Variants in IFT22 observed in about 807,000 individuals in gnomAD.
The protein encoded by IFT22 is intraflagellar transport protein 22 homolog.
In IFT22, 13 loss-of-function variants were observed where a neutral mutation model predicts 21.0. That is an observed-to-expected ratio of 0.62 (90% confidence interval 0.40 to 0.98). The LOEUF (loss-of-function observed/expected upper bound fraction) is 0.98. Ranked by LOEUF, IFT22 falls within the 50% of genes least tolerant of loss-of-function variation. The probability of loss-of-function intolerance (pLI) is 0.00; values close to 1 mark genes in which losing one functional copy is unlikely to be tolerated. For missense variants in IFT22, 227 were observed against 228.9 expected (o/e 0.99, Z 0.06); for synonymous variants, 67 against 82.4 (o/e 0.81, Z 1.01).
rs529538199 is a variant in IFT22, at chr7:101,312,187, C to T, written c.*2947G>A. Among the ~76,000 whole-genome samples the T allele has an allele frequency of 6.6e-6, 1 of 152,212 alleles. No homozygotes were observed. The highest frequency in any genetic ancestry group is 2.4e-5 in the African/African-American group (1 of 41,530). On this transcript the variant is annotated 3_prime_UTR_variant, in exon 5 of 5. Transcript: ENST00000315322. The stretch of plus-strand genomic sequence containing the variant: ...GGGAGGCTGAGACGGGCGGATCACT[C>T]AAGGACAGGAGTTCGAGATCAGCTG...
At chr7:101,321,374 A>C (rs1044876088) in intron 1 of IFT22, 1 of 441,886 alleles carries the variant, frequency 2.3e-6, no homozygotes, top group African/African-American at 2.1e-5. Flanking sequence ...TCCCGGGGGC[A>C]AAAGAAAGAG....
At chr7:101,318,921 T>TG in intron 2 of IFT22, 35 bp downstream of exon 2, 3 of 1,547,096 alleles carry the variant, frequency 1.9e-6, no homozygotes, top group Non-Finnish European at 1.8e-6. Flanking sequence ...CCGAGCCAGT[T>TG]GGACACTCTG....
At chr7:101,318,854 G>T in intron 2 of IFT22, 102 bp downstream of exon 2, 1 of 899,426 alleles carries the variant, frequency 1.1e-6, no homozygotes, top group Non-Finnish European at 1.8e-6. Context: ...CAGGCCTCAG[G>T]CGATCCTCCC....
chr7:101,319,442 C>T (rs183035382), intron 1 of IFT22, among the ~76,000 whole-genome samples: 12 of 151,748 alleles, frequency 7.9e-5, no homozygotes, highest in African/African-American at 4.8e-5. Flanking sequence ...GGGCTGGTCT[C>T]GAACTCCTGA....
chr7:101,320,554 C>T (rs1470269731), intron 1 of IFT22, among the ~76,000 whole-genome samples: 2 of 133,878 alleles, frequency 1.5e-5, no homozygotes, highest in Non-Finnish European at 3.1e-5. Context: ...CCACCGCGCC[C>T]GGCCTTTTTT....
rs1584318382 is a variant in IFT22 at position 101,321,694 on chromosome 7, T to G, written c.16A>C (p.Ile6Leu). The change falls in exon 1 of 5, where the codon ATC (isoleucine) becomes CTC (leucine). Residue 6 changes from isoleucine to leucine, a missense_variant. Physicochemically the swap from Ile to Leu is conservative, Grantham distance 5. Coordinates refer to ENST00000315322, the MANE Select transcript of IFT22 (RefSeq NM_022777.4). The stretch of plus-strand genomic sequence containing the variant: ...ACCTCGCAAGGCCCCACGAAGAGGA[T>G]CTTGGCTTTCAGCATAGTTGTCCGC... MLKAKILFVGPCESGK... is the reference protein window; with the variant it reads MLKAKLLFVGPCESGK... The G allele has an allele frequency of 2.5e-6, 4 of 1,603,256 alleles. No homozygotes were observed. The highest frequency in any genetic ancestry group is 2.6e-6 in the Non-Finnish European group (3 of 1,175,220).
intron 1 of IFT22, among the ~76,000 whole-genome samples, chr7:101,320,289 G>A (rs1292680566): frequency 7.0e-6 from 1 of 142,398 alleles, no homozygotes; most frequent in African/African-American, 2.6e-5. Context: ...ATTAGTTTTT[G>A]AGACGGAGTC....
Position 101,314,575 on chromosome 7 carries a change from CATTAAAA to C in IFT22, c.*552_*558del, listed in dbSNP as rs1280814420. 6.6e-5 allele frequency: 10 copies of C among 152,210 alleles called. No homozygotes were observed. The highest frequency in any genetic ancestry group is 5.9e-4 in the Admixed American group (9 of 15,282). 9.4% of individuals were successfully genotyped at this position (152,210 alleles called of 1,614,324 possible). ...GTGCAAAAGTAATAGTGGCTTTTGC[CATTAAAA>C]ATTAAAAATGGCAAAAACCACGATT... On this transcript the variant is annotated 3_prime_UTR_variant, in exon 5 of 5. Coordinates refer to ENST00000315322, the MANE Select transcript of IFT22 (RefSeq NM_022777.4).
rs373822049 is a variant in IFT22, at chr7:101,315,108, A to G, written c.*26T>C. On this transcript the variant is annotated 3_prime_UTR_variant, in exon 5 of 5. Transcript: ENST00000315322. ...GAGAAACATGCTGATTTCACTGGGGATGTGGCAGTCCCAGGTGAAGGCTGG... is the reference window on the plus strand; with the variant it reads ...GAGAAACATGCTGATTTCACTGGGGGTGTGGCAGTCCCAGGTGAAGGCTGG... The G allele has an allele frequency of 6.2e-7, 1 of 1,606,032 alleles. No individual in the cohort carries two copies. The highest frequency in any genetic ancestry group is 1.7e-5 in the Admixed American group (1 of 59,402).
In IFT22 at chr7:101,318,969, T is replaced by C; in HGVS notation, c.103A>G (p.Thr35Ala). Residue 35 changes from threonine to alanine, a missense_variant, in exon 2 of 5, where the codon ACC becomes GCC. Transcript: ENST00000315322. ...GTCAGGGCTCACCTCACTCCTTGGG[T>C]TGGGCTGTATTCAGTGATGTCAGAA... is the stretch of plus-strand genomic sequence containing the variant. ...ESSDITEYSP[T>A]QGVRILEFEN... 3.7e-6 allele frequency: 6 copies of C among 1,613,742 alleles called. No homozygotes were observed. The highest frequency in any genetic ancestry group is 5.1e-6 in the Non-Finnish European group (6 of 1,179,732).
intron 2 of IFT22, 35 bp downstream of exon 2, chr7:101,318,921 T>A (rs3757464): frequency 0.052 from 81,016 of 1,546,636 alleles, 2,364 homozygotes; most frequent in South Asian, 0.061. Context: ...CCGAGCCAGT[T>A]GGACACTCTG....
chr7:101,314,937 T>C lies in IFT22; in HGVS notation c.*197A>G, dbSNP rs1163148546. The C allele has an allele frequency of 1.8e-6, 1 of 563,174 alleles. No individual in the cohort carries two copies. Among genetic ancestry groups the C allele is most frequent in the East Asian group, 3.0e-5 (1 of 33,214 alleles). The allele number at this position is 563,174 out of a possible 1,614,324, so 34.9% of individuals were successfully genotyped here. ...AGGAAATCCAAATTTGATAATAGGA[T>C]TTTCTCAACTGAACTCAGGGCAGAG... On this transcript the variant is annotated 3_prime_UTR_variant, in exon 5 of 5. Coordinates refer to ENST00000315322, the MANE Select transcript of IFT22 (RefSeq NM_022777.4).
rs749317424 is a variant in IFT22 at position 101,318,227 on chromosome 7, G to C, written c.117-14C>G. ...AATTCTAGGATCCTAAAAGGAAAAAGAAGAGCAGTAGGCTGGGTGCAGTGG... is the reference window on the plus strand; with the variant it reads ...AATTCTAGGATCCTAAAAGGAAAAACAAGAGCAGTAGGCTGGGTGCAGTGG... On this transcript the variant is annotated splice_polypyrimidine_tract_variant and intron_variant, in intron 2 of 4. Coordinates refer to ENST00000315322, the MANE Select transcript of IFT22 (RefSeq NM_022777.4). 1 of 1,605,962 alleles carries C rather than the reference G, an allele frequency of 6.2e-7. No individual in the cohort carries two copies. The highest frequency in any genetic ancestry group is 1.1e-5 in the South Asian group (1 of 90,984).
chr7:101,321,348 G>T, intron 1 of IFT22: 1 of 364,726 alleles, frequency 2.7e-6, no homozygotes, highest in East Asian at 5.7e-5. Flanking sequence ...ACCCACAGAC[G>T]CATTCATTAG....
In IFT22 at chr7:101,311,661, A is replaced by C. The variant is rs558804602; in HGVS notation, c.*3473T>G. On this transcript the variant is annotated 3_prime_UTR_variant, in exon 5 of 5. Coordinates refer to ENST00000315322, the MANE Select transcript of IFT22 (RefSeq NM_022777.4). ...GCTACATCTACCATTTCATCTACTT[A>C]GTGTATTTTCTTATTGGCTATGTTA... is the stretch of plus-strand genomic sequence containing the variant. Among the ~76,000 whole-genome samples, 4 of 152,214 alleles carry C rather than the reference A, an allele frequency of 2.6e-5. No homozygotes were observed. The highest frequency in any genetic ancestry group is 4.4e-5 in the Non-Finnish European group (3 of 68,036).
Position 101,315,224 on chromosome 7 carries a change from C to T in IFT22, c.468G>A (p.Glu156=). Residue 156 remains glutamate, a synonymous_variant, in exon 5 of 5, where the codon GAG becomes GAA. Coordinates refer to ENST00000315322, the MANE Select transcript of IFT22 (RefSeq NM_022777.4). The part of the protein sequence containing the change: ...VHSNLEDDPE[E]IRMEFIKYLK... ...AATACTTTATGAATTCCATCCGGAT[C>T]TCCTCAGGGTCATCTTCCAGGTTTG... The T allele has an allele frequency of 1.2e-6, 2 of 1,614,134 alleles. No homozygotes were observed. The highest frequency in any genetic ancestry group is 2.2e-5 in the South Asian group (2 of 91,076).
At chr7:101,319,127 G>A (rs1790253648) in intron 1 of IFT22, 95 bp from the exon 2 acceptor site, 1 of 1,209,490 alleles carries the variant, frequency 8.3e-7, no homozygotes, top group Non-Finnish European at 1.2e-6. Context: ...CCGGTGTGGT[G>A]CAGTATAGGT....
rs199770585 is a variant in IFT22 at position 101,320,253 on chromosome 7, G to A, written c.40-1221C>T. 1.1e-4 allele frequency among the ~76,000 whole-genome samples: 17 copies of A among 149,578 alleles called. No individual in the cohort carries two copies. The East Asian group carries it at 3.4e-3, about 30-fold the overall frequency. On this transcript the variant is annotated intron_variant, in intron 1 of 4. Transcript: ENST00000315322. ...ATTAGAAGCGTGAGCCTCCGCATCC[G>A]GCTGGGTTTTTTTTTTTTAATTATT...
In IFT22 at chr7:101,311,461, G is replaced by T. The variant is rs1789978485; in HGVS notation, c.*3673C>A. The stretch of plus-strand genomic sequence containing the variant: ...CATGGTAATCCTAACAGGTGAATGT[G>T]GTTCAAACTAAATTGCCAGGGAATT... On this transcript the variant is annotated 3_prime_UTR_variant, in exon 5 of 5. Coordinates refer to ENST00000315322, the MANE Select transcript of IFT22 (RefSeq NM_022777.4). 6.6e-6 allele frequency among the ~76,000 whole-genome samples: 1 copy of T among 152,130 alleles called. No individual in the cohort carries two copies.
Sources: allele counts gnomAD v4.1 joint callset (sites outside exome capture counted in the v4.1 genomes callset), GRCh38; gene constraint gnomAD v4.1.1; transcripts MANE v1.5; gene names NCBI Gene and HGNC (gene_info 2026-07-23, HGNC 2026-07-21).